The following SGCD variants were observed in gnomAD, a reference collection of about 807,000 sequenced individuals.
SGCD encodes delta-sarcoglycan.
In SGCD, 18 loss-of-function variants were observed where a neutral mutation model predicts 36.6. That is an observed-to-expected ratio of 0.49 (90% CI 0.34 to 0.73). SGCD has a LOEUF of 0.73. Ranked by LOEUF, SGCD falls within the 30% of genes least tolerant of loss-of-function variation. SGCD has a pLI of 0.01. For missense variants in SGCD, 387 were observed against 346.7 expected (o/e 1.12, Z -0.92); for synonymous variants, 133 against 130.6 (o/e 1.02, Z -0.12).
chr5:156,590,741 T>A (rs1760692706), intron 5 of SGCD, among the ~76,000 whole-genome samples: 1 of 150,510 alleles, frequency 6.6e-6, no homozygotes, highest in Non-Finnish European at 1.5e-5. Flanking sequence ...AGTCAGTCTC[T>A]TTTTTTCCCC....
chr5:156,481,615 A>G (rs1439936272), intron 3 of SGCD, among the ~76,000 whole-genome samples: 1 of 152,064 alleles, frequency 6.6e-6, no homozygotes, highest in South Asian at 2.1e-4. Flanking sequence ...GGGTTTTCTT[A>G]TCTGCATCTA....
At chr5:156,433,625 T>C (rs1753118961) in intron 3 of SGCD, among the ~76,000 whole-genome samples, 1 of 152,184 alleles carries the variant, frequency 6.6e-6, no homozygotes, top group African/African-American at 2.4e-5. Flanking sequence ...TAAAATCATT[T>C]TGAACAGCTA....
intron 1 of SGCD, among the ~76,000 whole-genome samples, chr5:155,969,235 T>G (rs141076158): frequency 6.6e-6 from 1 of 152,144 alleles, no homozygotes; most frequent in Admixed American, 6.6e-5. Flanking sequence ...TCATGAAAGA[T>G]TGACATGGCA....
chr5:156,390,477 C>T (rs1311033232), intron 3 of SGCD, among the ~76,000 whole-genome samples: 1 of 152,218 alleles, frequency 6.6e-6, no homozygotes, highest in East Asian at 1.9e-4. Context: ...CCTGTATTCC[C>T]AGCACTTTGG....
At chr5:155,858,159 A>C in the SGCD span, among the ~76,000 whole-genome samples, 29 of 152,276 alleles carry the variant, frequency 1.9e-4, no homozygotes, top group East Asian at 5.4e-3. Flanking sequence ...TCTGTGTTTC[A>C]TTTTGAATAG....
intron 3 of SGCD, among the ~76,000 whole-genome samples, chr5:156,294,883 C>T (rs1311137563): frequency 6.6e-6 from 1 of 151,994 alleles, no homozygotes; most frequent in African/African-American, 2.4e-5. Flanking sequence ...ATTTGGTTTG[C>T]TAGTATTTTG....
At chr5:156,637,751 G>A (rs533853896) in intron 6 of SGCD, among the ~76,000 whole-genome samples, 4 of 152,164 alleles carry the variant, frequency 2.6e-5, no homozygotes, top group Non-Finnish European at 5.9e-5. Context: ...TGGGGATGAA[G>A]TCAGTGGACA....
chr5:155,873,524 G>T (rs1755703249), intron 1 of SGCD, among the ~76,000 whole-genome samples: 1 of 152,102 alleles, frequency 6.6e-6, no homozygotes, highest in South Asian at 2.1e-4. Flanking sequence ...GACTTGGAAG[G>T]GTGCCAGGGT....
rs573877189 is a variant in SGCD, at chr5:155,983,433, G to A, written c.-282+113009G>A. Among the ~76,000 whole-genome samples, 6 of 152,210 alleles carry A rather than the reference G, an allele frequency of 3.9e-5. No homozygotes were observed. In the East Asian group the frequency reaches 5.8e-4, roughly 15 times the overall value. Reference sequence around the variant, plus strand: ...TCCTGTCTCAGCCTCCCATGTAGCCGGGATAACAGGTGCACGCCACCATGC... The same window carrying A: ...TCCTGTCTCAGCCTCCCATGTAGCCAGGATAACAGGTGCACGCCACCATGC... On this transcript the variant is annotated intron_variant, in intron 1 of 9. Coordinates refer to the SGCD transcript ENST00000517913.
At chr5:156,644,805 C>A (rs1763166988) in intron 6 of SGCD, among the ~76,000 whole-genome samples, 1 of 152,100 alleles carries the variant, frequency 6.6e-6, no homozygotes, top group Non-Finnish European at 1.5e-5. Flanking sequence ...GATTTCAGGT[C>A]TCTTGACATC....
intron 3 of SGCD, among the ~76,000 whole-genome samples, chr5:156,145,305 G>A (rs984437331): frequency 3.9e-5 from 6 of 152,134 alleles, no homozygotes; most frequent in African/African-American, 9.7e-5. Context: ...TGTCATGATT[G>A]TAAGTTTGCT....
Position 156,503,207 on chromosome 5 carries a change from C to G in SGCD, c.193-5394C>G, listed in dbSNP as rs529091001. 2.9e-3 allele frequency among the ~76,000 whole-genome samples: 440 copies of G among 152,266 alleles called. 1 individual carries two copies. The highest frequency in any genetic ancestry group is 3.8e-3 in the Non-Finnish European group (258 of 68,022). ...ACTGTTTTTATTTGGCTGGGTACCT[C>G]CTATGTTATAAACTGTCTTACAGGA... On this transcript the variant is annotated intron_variant, in intron 3 of 8. Transcript: ENST00000337851.
At chr5:156,136,580 C>T (rs1233934393) in intron 3 of SGCD, among the ~76,000 whole-genome samples, 1 of 152,094 alleles carries the variant, frequency 6.6e-6, no homozygotes, top group Non-Finnish European at 1.5e-5. Flanking sequence ...GGAATTGTGA[C>T]CCTCAATAGT....
chr5:156,740,556 G>A (rs1756619313), intron 7 of SGCD, among the ~76,000 whole-genome samples: 1 of 152,320 alleles, frequency 6.6e-6, no homozygotes, highest in Admixed American at 6.5e-5. Context: ...GGCCCACACA[G>A]TGGGCACTGT....
At position 156,291,548 on chromosome 5, in the gene SGCD, C is replaced by T. The variant is rs1297208369; in HGVS notation, c.-43-37986C>T. ...CAAAAATTTTCATTAAAATTTATCC[C>T]GTACTTGTCTATTTGTTCATTGATT... is the stretch of plus-strand genomic sequence containing the variant. On this transcript the variant is annotated intron_variant, in intron 3 of 9. Transcript: ENST00000517913. 5.3e-5 allele frequency among the ~76,000 whole-genome samples: 8 copies of T among 152,050 alleles called. No homozygotes were observed. The South Asian group carries it at 6.2e-4, about 12-fold the overall frequency.
At chr5:156,456,246 G>A (rs999115896) in intron 3 of SGCD, among the ~76,000 whole-genome samples, 1 of 152,138 alleles carries the variant, frequency 6.6e-6, no homozygotes, top group Non-Finnish European at 1.5e-5. Flanking sequence ...CTTGAATGTT[G>A]GTAGATGTGT....
At chr5:156,269,272 A>G (rs1256360971) in intron 3 of SGCD, among the ~76,000 whole-genome samples, 1 of 151,910 alleles carries the variant, frequency 6.6e-6, no homozygotes, top group African/African-American at 2.4e-5. Flanking sequence ...GATCAAGACC[A>G]TCCTGGCTAA....
At chr5:156,635,486 A>G (rs1762790443) in intron 6 of SGCD, among the ~76,000 whole-genome samples, 1 of 152,184 alleles carries the variant, frequency 6.6e-6, no homozygotes. Flanking sequence ...GTGATTCCTC[A>G]GGGATCTAGA....
chr5:156,599,787 T>C (rs558820822), intron 6 of SGCD, among the ~76,000 whole-genome samples: 5 of 152,322 alleles, frequency 3.3e-5, no homozygotes, highest in South Asian at 4.1e-4. Flanking sequence ...AGCCATGCAG[T>C]TGAGTAATTA....
Sources: gnomAD v4.1 joint callset for allele counts (sites outside exome capture counted in the v4.1 genomes callset) on GRCh38, gnomAD v4.1.1 for gene constraint, MANE v1.5 for transcripts, NCBI Gene and HGNC (gene_info 2026-07-23, HGNC 2026-07-21) for gene names.